The following SEC14L1 variants were observed in gnomAD, a reference collection of about 807,000 sequenced individuals.
SEC14L1 encodes SEC14-like protein 1.
A neutral mutation model predicts 85.3 loss-of-function variants in SEC14L1; 48 were observed. The ratio of observed to expected loss-of-function variants is 0.56; its 90% CI spans 0.45 to 0.72. The LOEUF (loss-of-function observed/expected upper bound fraction) is 0.72. SEC14L1 is among the 30% of genes least tolerant of loss of function. The pLI, the probability that SEC14L1 is intolerant of heterozygous loss-of-function variation, is 0.00. For synonymous variants in SEC14L1, 391 were observed against 355.5 expected (o/e 1.10, Z -1.12); for missense variants, 682 against 921.4 (o/e 0.74, Z 3.36).
chr17:77,147,517 G>C (rs1479733606), intron 3 of SEC14L1, among the ~76,000 whole-genome samples: 1 of 152,148 alleles, frequency 6.6e-6, no homozygotes, highest in Non-Finnish European at 1.5e-5. Context: ...AGAGCTTTCA[G>C]CGAGTTGGAG....
rs1184787167 is a variant in SEC14L1, at chr17:77,111,272, C to T, written c.-136+17925C>T. ...GCCGGGGGTGGGATTCCGGGCTATACGTGAATTTAAAGATTTTTTGGTTGA... is the reference window on the plus strand; with the variant it reads ...GCCGGGGGTGGGATTCCGGGCTATATGTGAATTTAAAGATTTTTTGGTTGA... On this transcript the variant is annotated intron_variant, in intron 3 of 19. Coordinates refer to the SEC14L1 transcript ENST00000392476. 2.6e-5 allele frequency among the ~76,000 whole-genome samples: 4 copies of T among 151,010 alleles called. No individual in the cohort carries two copies. The East Asian group carries it at 5.8e-4, about 22-fold the overall frequency.
At chr17:77,199,603 GCT>G (rs1976013422) in intron 8 of SEC14L1, 1 of 152,376 alleles carries the variant, frequency 6.6e-6, no homozygotes, top group Admixed American at 6.5e-5. Flanking sequence ...CAGGTGTCCT[GCT>G]CTCTCTTTAT....
chr17:77,192,582 C>A (rs1358264167), intron 5 of SEC14L1, among the ~76,000 whole-genome samples: 1 of 152,136 alleles, frequency 6.6e-6, no homozygotes, highest in African/African-American at 2.4e-5. Context: ...CTCACCTCCT[C>A]CCATCTCGGC....
intron 3 of SEC14L1, among the ~76,000 whole-genome samples, chr17:77,104,423 G>T (rs1971856963): frequency 1.1e-5 from 1 of 89,538 alleles, no homozygotes; most frequent in African/African-American, 4.2e-5. Context: ...GCCCGGCCTT[G>T]TGTTTACTTT....
At chr17:77,114,912 A>T (rs1170497834) in intron 3 of SEC14L1, among the ~76,000 whole-genome samples, 1 of 149,854 alleles carries the variant, frequency 6.7e-6, no homozygotes, top group Non-Finnish European at 1.5e-5. Flanking sequence ...CATTTTCTGG[A>T]GGCTCCCAGC....
rs1342197792 is a variant in SEC14L1, at chr17:77,214,513, G to C, written c.*490G>C. The C allele has an allele frequency of 1.0e-6, 1 of 999,572 alleles. No homozygotes were observed. Among genetic ancestry groups the C allele is most frequent in the Non-Finnish European group, 1.2e-6 (1 of 837,846 alleles). 61.9% of individuals were successfully genotyped at this position (999,572 alleles called of 1,614,324 possible). A position where few individuals can be genotyped will look rare whatever the true frequency, so the allele number is the denominator to read the frequency against. On this transcript the variant is annotated 3_prime_UTR_variant, in exon 17 of 17. Coordinates refer to ENST00000436233, the MANE Select transcript of SEC14L1 (RefSeq NM_001143998.2). The stretch of plus-strand genomic sequence containing the variant: ...CCCCATGCTTCCCGCCAGTCAAGAT[G>C]GTCTGTGGACTTAGGGCCAGCCCTT...
chr17:77,135,564 T>C (rs945637129), intron 3 of SEC14L1, among the ~76,000 whole-genome samples: 1 of 152,138 alleles, frequency 6.6e-6, no homozygotes, highest in Non-Finnish European at 1.5e-5. Context: ...TTGCTCTGTC[T>C]CTCAGGCTAT....
Position 77,215,540 on chromosome 17 carries a change from G to C in SEC14L1, c.*1517G>C. 1.0e-6 allele frequency: 1 copy of C among 986,638 alleles called. No individual in the cohort carries two copies. Among genetic ancestry groups the C allele is most frequent in the Non-Finnish European group, 1.2e-6 (1 of 830,520 alleles). 61.1% of individuals were successfully genotyped at this position (986,638 alleles called of 1,614,324 possible). On this transcript the variant is annotated 3_prime_UTR_variant, in exon 17 of 17. Transcript: ENST00000436233. ...TGCCCCGTGCAGGGATCAGGAGGGCGGGGGAGGGACCGAGCAGCCCTCTTG... is the reference window on the plus strand; with the variant it reads ...TGCCCCGTGCAGGGATCAGGAGGGCCGGGGAGGGACCGAGCAGCCCTCTTG...
intron 3 of SEC14L1, among the ~76,000 whole-genome samples, chr17:77,105,178 C>G (rs1348430232): frequency 2.0e-5 from 3 of 152,060 alleles, no homozygotes; most frequent in African/African-American, 7.2e-5. Context: ...TGGCCCTAAG[C>G]AGTTTCCAGC....
chr17:77,142,010 A>G (rs1284911213), intron 1 of SEC14L1, among the ~76,000 whole-genome samples: 1 of 152,154 alleles, frequency 6.6e-6, no homozygotes, highest in Non-Finnish European at 1.5e-5. Context: ...AAAAGCTTCA[A>G]GTTGAGTTTG....
In SEC14L1 at chr17:77,203,666, C is replaced by T. The variant is rs201997127; in HGVS notation, c.1098+8C>T. ...GAAGCCCTGCTGAGATACGTAAGTG[C>T]GCGGCTGCGAGACTCCAGGTGCCAC... is the stretch of plus-strand genomic sequence containing the variant. On this transcript the variant is annotated splice_region_variant and intron_variant, in intron 10 of 16. Transcript: ENST00000436233. 3.7e-5 allele frequency: 60 copies of T among 1,607,522 alleles called. No homozygotes were observed. Among genetic ancestry groups the T allele is most frequent in the Admixed American group, 3.7e-4 (22 of 59,348 alleles).
chr17:77,116,343 A>G (rs903731985), intron 3 of SEC14L1, among the ~76,000 whole-genome samples: 1 of 152,180 alleles, frequency 6.6e-6, no homozygotes. Context: ...TGTGAGAACT[A>G]TAATAATGAT....
At chr17:77,194,144 G>A (rs1374048022) in intron 6 of SEC14L1, among the ~76,000 whole-genome samples, 1 of 152,182 alleles carries the variant, frequency 6.6e-6, no homozygotes, top group Non-Finnish European at 1.5e-5. Context: ...CATCTCATTA[G>A]ATACCATTTC....
intron 3 of SEC14L1, among the ~76,000 whole-genome samples, chr17:77,169,241 C>G (rs370065209): frequency 2.6e-5 from 4 of 152,000 alleles, no homozygotes; most frequent in Non-Finnish European, 2.9e-5. Context: ...GTTAGGTCTC[C>G]GAGGGACGTT....
chr17:77,143,607 A>G lies in SEC14L1; in HGVS notation c.11A>G (p.Lys4Arg). The G allele has an allele frequency of 6.2e-7, 1 of 1,613,394 alleles. No homozygotes were observed. Among genetic ancestry groups the G allele is most frequent in the Non-Finnish European group, 8.5e-7 (1 of 1,179,476 alleles). The change falls in exon 3 of 17, where the codon AAA (lysine) becomes AGA (arginine). Residue 4 changes from lysine (K) to arginine (R), a missense_variant. By Grantham distance (26) the Lys-to-Arg change is conservative. This residue lies in a region of SEC14L1 where 139 missense variants were observed against 201.3 expected (regional missense o/e 0.69). Coordinates refer to ENST00000436233, the MANE Select transcript of SEC14L1 (RefSeq NM_001143998.2). Reference sequence around the variant, plus strand: ...TGTTGTATTGCAATCATGGTGCAGAAATACCAGTCCCCAGTGAGGGTGTAC... The same window carrying G: ...TGTTGTATTGCAATCATGGTGCAGAGATACCAGTCCCCAGTGAGGGTGTAC... MVQ[K>R]YQSPVRVYKY...
chr17:77,176,399 C>T (rs1269963946), intron 3 of SEC14L1, among the ~76,000 whole-genome samples: 3 of 152,154 alleles, frequency 2.0e-5, no homozygotes, highest in Non-Finnish European at 2.9e-5. Flanking sequence ...TTCTCAGTCC[C>T]GTGTGAGGAT....
At chr17:77,201,593 G>A (rs920099473) in intron 9 of SEC14L1, among the ~76,000 whole-genome samples, 3 of 152,014 alleles carry the variant, frequency 2.0e-5, no homozygotes, top group African/African-American at 7.2e-5. Context: ...TGGGACTACA[G>A]GTGTGCACCA....
intron 3 of SEC14L1, among the ~76,000 whole-genome samples, chr17:77,188,430 T>G (rs1975370963): frequency 6.6e-6 from 1 of 152,016 alleles, no homozygotes; most frequent in South Asian, 2.1e-4. Flanking sequence ...TTTTTTTAGC[T>G]TAGCATAATT....
At chr17:77,123,113 G>A (rs1405038962) in intron 3 of SEC14L1, among the ~76,000 whole-genome samples, 19 of 151,236 alleles carry the variant, frequency 1.3e-4, no homozygotes, top group South Asian at 4.2e-4. Flanking sequence ...GCAGTGGCAC[G>A]ATCTCGGCTC....
Sources: allele counts gnomAD v4.1 joint callset (sites outside exome capture counted in the v4.1 genomes callset), GRCh38; gene constraint gnomAD v4.1.1; regional missense constraint gnomAD v4.1.1; transcripts MANE v1.5; gene names NCBI Gene and HGNC (gene_info 2026-07-23, HGNC 2026-07-21).